The following TMEM117 variants were observed in gnomAD, a reference collection of about 807,000 sequenced individuals.
The protein encoded by TMEM117 is transmembrane protein 117.
A neutral mutation model predicts 52.4 loss-of-function variants in TMEM117; 27 were observed. The observed-to-expected ratio is 0.51, with a 90% CI of 0.38 to 0.71. The LOEUF (loss-of-function observed/expected upper bound fraction) is 0.71, where lower values mean the gene tolerates loss of function less well. Among genes scored for constraint, TMEM117 ranks in the 30% least tolerant of loss-of-function variants. The pLI is 0.00. For synonymous variants in TMEM117, 215 were observed against 206.3 expected (o/e 1.04, Z -0.36); for missense variants, 556 against 630.5 (o/e 0.88, Z 1.26).
chr12:43,800,638 G>A, the TMEM117 span: 1 of 796,586 alleles, frequency 1.3e-6, no homozygotes, highest in South Asian at 1.7e-5. Flanking sequence ...AAACAAAACT[G>A]AGCTGAAGTC....
intron 4 of TMEM117, among the ~76,000 whole-genome samples, chr12:44,189,004 G>A (rs115050158): frequency 0.015 from 2,343 of 152,070 alleles, 61 homozygotes; most frequent in African/African-American, 0.054. Context: ...AATGTGTAAA[G>A]ATCAAATCAG....
intron 2 of TMEM117, among the ~76,000 whole-genome samples, chr12:43,859,125 G>C (rs1257215922): frequency 6.6e-6 from 1 of 152,202 alleles, no homozygotes; most frequent in African/African-American, 2.4e-5. Flanking sequence ...CTCCAACAAA[G>C]GCGATTATCC....
chr12:44,381,925 C>T (rs1377693746), intron 7 of TMEM117, among the ~76,000 whole-genome samples: 2 of 151,972 alleles, frequency 1.3e-5, no homozygotes, highest in South Asian at 2.1e-4. Flanking sequence ...GCAAGGGACT[C>T]GTTATAAGGA....
chr12:44,078,596 C>T (rs1336416351), intron 3 of TMEM117, among the ~76,000 whole-genome samples: 1 of 152,128 alleles, frequency 6.6e-6, no homozygotes, highest in Non-Finnish European at 1.5e-5. Flanking sequence ...TACATGTTTA[C>T]ATTTCAATTT....
At chr12:43,902,570 T>G (rs1375314875) in intron 2 of TMEM117, among the ~76,000 whole-genome samples, 1 of 152,160 alleles carries the variant, frequency 6.6e-6, no homozygotes, top group Non-Finnish European at 1.5e-5. Context: ...AAAGCTTAAG[T>G]GGCTTCCACT....
intron 3 of TMEM117, among the ~76,000 whole-genome samples, chr12:44,043,734 G>A (rs1010748119): frequency 6.6e-6 from 1 of 152,174 alleles, no homozygotes; most frequent in African/African-American, 2.4e-5. Flanking sequence ...AAGTGAGGTT[G>A]AGAGTGTGAC....
At chr12:44,268,447 T>C (rs941665153) in intron 5 of TMEM117, among the ~76,000 whole-genome samples, 6 of 152,038 alleles carry the variant, frequency 3.9e-5, no homozygotes, top group African/African-American at 1.4e-4. Flanking sequence ...CCTGGCCCCA[T>C]GGTGTCTTTT....
intron 5 of TMEM117, among the ~76,000 whole-genome samples, chr12:44,258,534 G>A (rs1006411621): frequency 1.3e-5 from 2 of 152,042 alleles, no homozygotes; most frequent in African/African-American, 4.8e-5. Flanking sequence ...TGACATTTCT[G>A]TTATTTAAAT....
chr12:44,075,249 G>A (rs571577943), intron 3 of TMEM117, among the ~76,000 whole-genome samples: 2 of 152,312 alleles, frequency 1.3e-5, no homozygotes, highest in Admixed American at 6.5e-5. Flanking sequence ...AGAGCACATG[G>A]TGGCTTCAAA....
At chr12:43,798,448 G>T in the TMEM117 span, 1 of 926,108 alleles carries the variant, frequency 1.1e-6, no homozygotes, top group Non-Finnish European at 1.5e-6. Context: ...AGTCTCATTC[G>T]CAGTGTTGCA....
At chr12:44,154,320 G>T (rs1948796018) in intron 4 of TMEM117, among the ~76,000 whole-genome samples, 2 of 152,058 alleles carry the variant, frequency 1.3e-5, no homozygotes, top group Admixed American at 6.6e-5. Flanking sequence ...CGCACAAAAA[G>T]AAAGTAGGAC....
At chr12:44,287,517 C>T (rs1950652825) in intron 5 of TMEM117, among the ~76,000 whole-genome samples, 1 of 152,204 alleles carries the variant, frequency 6.6e-6, no homozygotes, top group African/African-American at 2.4e-5. Context: ...TCCATTTTCA[C>T]TGCCATGAAA....
chr12:43,835,859 G>A (rs1943016583), upstream of TMEM117: 1 of 152,072 alleles, frequency 6.6e-6, no homozygotes, highest in Non-Finnish European at 1.5e-5. Flanking sequence ...GGCAGGGGCG[G>A]GGAGAAGCCA....
chr12:43,943,937 G>T (rs1238157862), intron 2 of TMEM117, among the ~76,000 whole-genome samples: 1 of 152,178 alleles, frequency 6.6e-6, no homozygotes, highest in African/African-American at 2.4e-5. Flanking sequence ...TTTCATGCTA[G>T]CATGATGAAC....
intron 4 of TMEM117, among the ~76,000 whole-genome samples, chr12:44,203,841 AT>A (rs990028102): frequency 9.9e-5 from 15 of 151,968 alleles, no homozygotes; most frequent in Non-Finnish European, 1.9e-4. Flanking sequence ...CTTTTTTTGA[AT>A]TTGTTGAGAA....
intron 5 of TMEM117, among the ~76,000 whole-genome samples, chr12:44,255,402 C>G (rs1234235428): frequency 1.3e-5 from 2 of 152,078 alleles, no homozygotes; most frequent in African/African-American, 4.8e-5. Flanking sequence ...CACTGGCCAT[C>G]AGAGAAATGC....
intron 6 of TMEM117, among the ~76,000 whole-genome samples, chr12:44,303,885 A>G (rs1285330520): frequency 1.3e-5 from 2 of 152,194 alleles, no homozygotes; most frequent in Non-Finnish European, 2.9e-5. Context: ...AATTTACACA[A>G]TTTTTTAAAA....
At chr12:43,798,089 T>A in the TMEM117 span, among the ~76,000 whole-genome samples, 2,560 of 152,248 alleles carry the variant, frequency 0.017, 76 homozygotes, top group African/African-American at 0.058. Context: ...TTTGTTTTTA[T>A]GTTTGGTTTG....
chr12:43,974,425 T>C (rs1945639678), intron 3 of TMEM117, among the ~76,000 whole-genome samples: 1 of 152,162 alleles, frequency 6.6e-6, no homozygotes, highest in African/African-American at 2.4e-5. Flanking sequence ...TGAAGGGATA[T>C]ATAGCTGGGA....
Sources: gnomAD v4.1 joint callset for allele counts (sites outside exome capture counted in the v4.1 genomes callset) on GRCh38, gnomAD v4.1.1 for gene constraint, MANE v1.5 for transcripts, NCBI Gene and HGNC (gene_info 2026-07-23, HGNC 2026-07-21) for gene names.